The following ATF2 variants were observed in gnomAD, a reference collection of about 807,000 sequenced individuals.
The protein encoded by ATF2 is cyclic AMP-dependent transcription factor ATF-2.
ATF2 carries 24 observed loss-of-function variants against 60.6 expected under a neutral mutation model. The observed-to-expected ratio is 0.40, with a 90% CI of 0.29 to 0.56. The LOEUF is 0.56. ATF2 is among the 20% of genes least tolerant of loss of function. The pLI is 0.54. For synonymous variants in ATF2, 206 were observed against 215.4 expected, an observed-to-expected ratio of 0.96 and a Z score of 0.38; for missense variants, 433 against 607.7, an observed-to-expected ratio of 0.71 and a Z score of 3.02.
intron 4 of ATF2, among the ~76,000 whole-genome samples, chr2:175,128,893 G>A (rs1697536202): frequency 7.0e-6 from 1 of 142,484 alleles, no homozygotes; most frequent in South Asian, 2.4e-4. Flanking sequence ...TTCACAAAAT[G>A]TAAGGGATAC....
intron 3 of ATF2, among the ~76,000 whole-genome samples, chr2:175,134,861 C>T (rs775877975): frequency 2.0e-5 from 3 of 151,132 alleles, no homozygotes; most frequent in South Asian, 2.1e-4. Context: ...GTCGTGGTAG[C>T]GTCATGGTGG....
At chr2:175,122,934 T>A (rs1380369982) in intron 4 of ATF2, among the ~76,000 whole-genome samples, 1 of 152,080 alleles carries the variant, frequency 6.6e-6, no homozygotes, top group Non-Finnish European at 1.5e-5. Context: ...TCACTTAGTC[T>A]TTGGATTACT....
At chr2:175,151,492 T>C (rs2105812963) in intron 1 of ATF2, among the ~76,000 whole-genome samples, 1 of 152,216 alleles carries the variant, frequency 6.6e-6, no homozygotes, top group South Asian at 2.1e-4. Context: ...GAGTCATAGA[T>C]AACAGGTGAA....
intron 12 of ATF2, among the ~76,000 whole-genome samples, chr2:175,087,264 T>C (rs1324078422): frequency 1.3e-5 from 2 of 152,258 alleles, no homozygotes; most frequent in East Asian, 1.9e-4. Flanking sequence ...TTTGAAAATG[T>C]GAAAGTCCCA....
rs10184033 is a variant in ATF2 at position 175,104,966 on chromosome 2, C to T, written c.828+6602G>A. ...GGGCCTGTGATTTTAGTTGTAAGTG[C>T]TGAGATAATCTTAAGTAAGCTTCTA... On this transcript the variant is annotated intron_variant, in intron 10 of 13. Coordinates refer to ENST00000264110, the MANE Select transcript of ATF2 (RefSeq NM_001880.4). Among the ~76,000 whole-genome samples the T allele has an allele frequency of 1.8e-3, 268 of 152,032 alleles. 2 individuals are homozygous for T. Among genetic ancestry groups the T allele is most frequent in the African/African-American group, 5.8e-3 (239 of 41,452 alleles).
chr2:175,091,745 C>A lies in ATF2; in HGVS notation c.1185+1316G>T, dbSNP rs71419415. The stretch of plus-strand genomic sequence containing the variant: ...GGGTGTGGTGGTGCACACCTGTAAT[C>A]CCAGCTACCTGGGAGGCTGAGGCAG... On this transcript the variant is annotated intron_variant, in intron 12 of 13. Coordinates refer to ENST00000264110, the MANE Select transcript of ATF2 (RefSeq NM_001880.4). Among the ~76,000 whole-genome samples the A allele has an allele frequency of 7.0e-4, 107 of 152,170 alleles. 1 individual carries two copies. The highest frequency in any genetic ancestry group is 1.8e-3 in the Admixed American group (28 of 15,278).
intron 6 of ATF2, 48 bp from the exon 7 acceptor site, chr2:175,118,166 G>A (rs1331930483): frequency 1.3e-6 from 2 of 1,595,914 alleles, no homozygotes; most frequent in Admixed American, 1.8e-5. Context: ...AAAACAGTGT[G>A]TCTAAATTTA....
intron 1 of ATF2, among the ~76,000 whole-genome samples, chr2:175,165,972 C>T (rs1316976849): frequency 6.6e-6 from 1 of 152,154 alleles, no homozygotes; most frequent in Non-Finnish European, 1.5e-5. Context: ...CCAGCCTCTA[C>T]TATTATCTTA....
At chr2:175,138,691 C>T (rs1385274862) in intron 2 of ATF2, among the ~76,000 whole-genome samples, 2 of 152,210 alleles carry the variant, frequency 1.3e-5, no homozygotes, top group African/African-American at 4.8e-5. Flanking sequence ...TTTGATATTA[C>T]ACTGTCAAGG....
At position 175,130,195 on chromosome 2, in the gene ATF2, G is replaced by A. The variant is rs1219138864; in HGVS notation, c.45C>T (p.Asp15=). 6.9e-6 allele frequency: 11 copies of A among 1,585,336 alleles called. No homozygotes were observed. The highest frequency in any genetic ancestry group is 9.4e-6 in the Non-Finnish European group (11 of 1,165,326). ...LHVNSARQYK[D]LWNMSDDKPF... ...GTTTGTCATCACTCATATTCCACAG[G>A]TCCTTGTATTGCCTATAATCAAACA... Residue 15 remains aspartate, a synonymous_variant, in exon 4 of 14, where the codon GAC becomes GAT. Transcript: ENST00000264110.
At chr2:175,128,485 A>T (rs1697504625) in intron 4 of ATF2, among the ~76,000 whole-genome samples, 1 of 151,568 alleles carries the variant, frequency 6.6e-6, no homozygotes, top group African/African-American at 2.4e-5. Context: ...AGGCAACAAG[A>T]GCGAAATTCC....
chr2:175,125,855 T>C (rs991497009), intron 4 of ATF2, among the ~76,000 whole-genome samples: 3 of 152,166 alleles, frequency 2.0e-5, no homozygotes, highest in Non-Finnish European at 4.4e-5. Context: ...CATCCTCTCC[T>C]AGCTATTTAA....
At chr2:175,158,003 A>C (rs969680074) in intron 1 of ATF2, among the ~76,000 whole-genome samples, 2 of 152,008 alleles carry the variant, frequency 1.3e-5, no homozygotes, top group Non-Finnish European at 1.5e-5. Flanking sequence ...AAAAAAAAAA[A>C]ACACCAATAT....
At chr2:175,158,091 A>G (rs1224685834) in intron 1 of ATF2, among the ~76,000 whole-genome samples, 2 of 152,154 alleles carry the variant, frequency 1.3e-5, no homozygotes, top group African/African-American at 4.8e-5. Context: ...ATCTTCATAC[A>G]TTCCTGAAAT....
Position 175,136,485 on chromosome 2 carries a change from T to C in ATF2, c.-42A>G, listed in dbSNP as rs563654790. The stretch of plus-strand genomic sequence containing the variant: ...CACATTCTTTTTCTCATGGCAAGAA[T>C]ACTGAAAAACAAAGTGGTTTCACAC... On this transcript the variant is annotated splice_region_variant and 5_prime_UTR_variant, in exon 3 of 14. Coordinates refer to ENST00000264110, the MANE Select transcript of ATF2 (RefSeq NM_001880.4). 7 of 1,571,602 alleles carry C rather than the reference T, an allele frequency of 4.5e-6. No individual in the cohort carries two copies. The highest frequency in any genetic ancestry group is 1.4e-5 in the African/African-American group (1 of 73,542).
chr2:175,074,841 T>C lies in ATF2; in HGVS notation c.1292-6A>G. Reference sequence around the variant, plus strand: ...ACTATCATCTTTATCAGCAGCTGGGTGGAAAAAAGAAAAATTATTCATTTT... The same window carrying C: ...ACTATCATCTTTATCAGCAGCTGGGCGGAAAAAAGAAAAATTATTCATTTT... On this transcript the variant is annotated splice_polypyrimidine_tract_variant and splice_region_variant and intron_variant, in intron 13 of 13. Coordinates refer to ENST00000264110, the MANE Select transcript of ATF2 (RefSeq NM_001880.4). 1 of 1,613,158 alleles carries C rather than the reference T, an allele frequency of 6.2e-7. No individual in the cohort carries two copies. Among genetic ancestry groups the C allele is most frequent in the South Asian group, 1.1e-5 (1 of 91,072 alleles).
At chr2:175,167,853 A>G in intron 1 of ATF2, 197 bp downstream of exon 1, 1 of 405,766 alleles carries the variant, frequency 2.5e-6, no homozygotes, top group Non-Finnish European at 5.3e-6. Context: ...CAGGTTCCCA[A>G]AGCCCACACC....
rs796078733 is a variant in ATF2 at position 175,122,548 on chromosome 2, AC to A, written c.103-1009del. On this transcript the variant is annotated intron_variant, in intron 4 of 13. Transcript: ENST00000264110. ...CCAATTCACTACATCCTTTCATGCA[AC>A]TAATAATAGTAGCTTTAGGGTTACC... Among the ~76,000 whole-genome samples the A allele has an allele frequency of 3.9e-5, 6 of 152,126 alleles. No individual in the cohort carries two copies. The South Asian group carries it at 1.2e-3, about 32-fold the overall frequency.
At chr2:175,121,859 A>C (rs1182932675) in intron 4 of ATF2, among the ~76,000 whole-genome samples, 1 of 151,818 alleles carries the variant, frequency 6.6e-6, no homozygotes, top group Non-Finnish European at 1.5e-5. Context: ...GACCACCATT[A>C]ATTTGTCTTA....
Sources: gnomAD v4.1 joint callset for allele counts (sites outside exome capture counted in the v4.1 genomes callset) on GRCh38, gnomAD v4.1.1 for gene constraint, MANE v1.5 for transcripts, NCBI Gene and HGNC (gene_info 2026-07-23, HGNC 2026-07-21) for gene names.